SLC71A2: variants seen among roughly 807,000 people sequenced by gnomAD.
The protein encoded by SLC71A2 is solute carrier family 71 member 2, also known as hippocampus abundant transcript-like 1.
At chr9:94,425,606 T>G in the SLC71A2 span, among the ~76,000 whole-genome samples, 1 of 152,054 alleles carries the variant, frequency 6.6e-6, no homozygotes, top group South Asian at 2.1e-4. Context: ...GCTGATCCAT[T>G]AAGTGCAGGG....
chr9:94,446,958 G>T, the SLC71A2 span: 1 of 1,105,512 alleles, frequency 9.0e-7, no homozygotes, highest in Non-Finnish European at 1.4e-6. Flanking sequence ...GTGGCTAGTA[G>T]CCTTTCAATA....
At chr9:94,400,853 C>G in the SLC71A2 span, among the ~76,000 whole-genome samples, 1 of 152,310 alleles carries the variant, frequency 6.6e-6, no homozygotes, top group Non-Finnish European at 1.5e-5. Flanking sequence ...CTGAAAGTGT[C>G]CTGTGCTTCA....
the SLC71A2 span, among the ~76,000 whole-genome samples, chr9:94,431,003 T>C: frequency 6.6e-6 from 1 of 152,194 alleles, no homozygotes; most frequent in African/African-American, 2.4e-5. Flanking sequence ...TACGTTGTAC[T>C]GAACAACATA....
At chr9:94,455,774 GT>G in the SLC71A2 span, among the ~76,000 whole-genome samples, 1 of 152,284 alleles carries the variant, frequency 6.6e-6, no homozygotes. Context: ...AGGCAGGTCT[GT>G]TTTTCCAGTT....
At chr9:94,458,431 C>T in the SLC71A2 span, 1 of 1,613,932 alleles carries the variant, frequency 6.2e-7, no homozygotes, top group Non-Finnish European at 8.5e-7. Flanking sequence ...CTGAGTTGGG[C>T]CCGAAATTGA....
At chr9:94,451,401 T>G in the SLC71A2 span, 3 of 862,304 alleles carry the variant, frequency 3.5e-6, no homozygotes, top group African/African-American at 1.8e-5. Flanking sequence ...ACATAATATT[T>G]CTTATTATTT....
chr9:94,408,837 T>G, the SLC71A2 span, among the ~76,000 whole-genome samples: 1 of 144,792 alleles, frequency 6.9e-6, no homozygotes, highest in African/African-American at 2.6e-5. Context: ...GTTTGTTTGT[T>G]TTTTGAGACG....
At chr9:94,458,449 C>T in the SLC71A2 span, 4 of 1,613,864 alleles carry the variant, frequency 2.5e-6, no homozygotes, top group Non-Finnish European at 3.4e-6. Flanking sequence ...TGAATTCTAA[C>T]AACGTTCCCC....
chr9:94,406,942 T>C, the SLC71A2 span, among the ~76,000 whole-genome samples: 4 of 152,254 alleles, frequency 2.6e-5, no homozygotes, highest in East Asian at 7.7e-4. Flanking sequence ...TATTGTATTA[T>C]ACTGAATAGA....
the SLC71A2 span, among the ~76,000 whole-genome samples, chr9:94,390,200 C>G: frequency 8.6e-5 from 13 of 151,878 alleles, no homozygotes; most frequent in East Asian, 2.5e-3. Context: ...GGCAACAGAG[C>G]AAGACTCCAT....
chr9:94,443,440 G>T, the SLC71A2 span, among the ~76,000 whole-genome samples: 3 of 152,208 alleles, frequency 2.0e-5, no homozygotes, highest in African/African-American at 7.2e-5. Flanking sequence ...GTATAAAAAT[G>T]TGTACACCTT....
chr9:94,397,767 C>T, the SLC71A2 span, among the ~76,000 whole-genome samples: 3 of 152,118 alleles, frequency 2.0e-5, no homozygotes, highest in East Asian at 1.9e-4. Context: ...TTGTTTTTCT[C>T]ATGATTAGAG....
the SLC71A2 span, chr9:94,453,887 C>A: frequency 9.5e-7 from 1 of 1,051,938 alleles, no homozygotes; most frequent in Non-Finnish European, 1.5e-6. Context: ...GAAGGGTCTT[C>A]ACACACAGAG....
chr9:94,407,942 C>G, the SLC71A2 span, among the ~76,000 whole-genome samples: 30 of 152,290 alleles, frequency 2.0e-4, 1 homozygote, highest in African/African-American at 5.8e-4. Flanking sequence ...CTATATGCTG[C>G]CCATCTGTTA....
chr9:94,455,238 GCTTA>G, the SLC71A2 span, among the ~76,000 whole-genome samples: 1 of 134,774 alleles, frequency 7.4e-6, no homozygotes, highest in Non-Finnish European at 1.5e-5. Flanking sequence ...CACAATCATG[GCTTA>G]CTATTACAGC....
At chr9:94,447,267 C>A in the SLC71A2 span, among the ~76,000 whole-genome samples, 1 of 151,684 alleles carries the variant, frequency 6.6e-6, no homozygotes. Context: ...GCAACCTCTA[C>A]CTTCTGAGTT....
the SLC71A2 span, among the ~76,000 whole-genome samples, chr9:94,424,244 G>GT: frequency 3.3e-5 from 5 of 151,152 alleles, no homozygotes; most frequent in African/African-American, 9.7e-5. Flanking sequence ...TTTTTTGGCG[G>GT]AGGGGGGAGC....
the SLC71A2 span, among the ~76,000 whole-genome samples, chr9:94,429,877 T>G: frequency 6.6e-6 from 1 of 152,032 alleles, no homozygotes; most frequent in Non-Finnish European, 1.5e-5. Context: ...ATCATTCTAT[T>G]GATAGCATTC....
At chr9:94,409,410 G>GAC in the SLC71A2 span, among the ~76,000 whole-genome samples, 3 of 149,170 alleles carry the variant, frequency 2.0e-5, no homozygotes, top group African/African-American at 7.5e-5. Flanking sequence ...TGCCCACCTT[G>GAC]ACCCCCCAAA....
Sources: allele counts gnomAD v4.1 joint callset (sites outside exome capture counted in the v4.1 genomes callset), GRCh38; gene constraint gnomAD v4.1.1; transcripts MANE v1.5; gene names NCBI Gene and HGNC (gene_info 2026-07-23, HGNC 2026-07-21).